The following CSMD2 variants were observed in gnomAD, a reference collection of about 807,000 sequenced individuals.
CSMD2 encodes the protein CUB and sushi domain-containing protein 2.
In CSMD2, 130 loss-of-function variants were observed where a neutral mutation model predicts 398.5. That is an observed-to-expected ratio of 0.33 (90% CI 0.28 to 0.38). The LOEUF is 0.38. Among genes scored for constraint, CSMD2 ranks in the 10% least tolerant of loss-of-function variants. CSMD2 has a pLI of 1.00. For synonymous variants in CSMD2, 1,828 were observed against 1,908.5 expected (o/e 0.96, Z 1.10); for missense variants, 3,829 against 4,764.9 (o/e 0.80, Z 5.78).
intron 3 of CSMD2, among the ~76,000 whole-genome samples, chr1:34,001,609 T>C (rs932330369): frequency 6.6e-5 from 10 of 152,214 alleles, no homozygotes; most frequent in Admixed American, 1.3e-4. Context: ...TGAACCTTTC[T>C]TGTAAGAAGT....
rs147242102 is a variant in CSMD2, at chr1:33,698,445, T to G, written c.3925+308A>C. Among the ~76,000 whole-genome samples the G allele has an allele frequency of 5.8e-3, 889 of 152,302 alleles. 7 individuals carry two copies. Among genetic ancestry groups the G allele is most frequent in the Admixed American group, 8.4e-3 (128 of 15,288 alleles). On this transcript the variant is annotated intron_variant, in intron 24 of 70. Transcript: ENST00000373381. ...CCATCTCTCCCTTTCTAATGGACTC[T>G]CCCACCTCATCGCTATCACCCGCGT...
Position 33,625,031 on chromosome 1 carries a change from C to G in CSMD2, c.5500+20G>C. On this transcript the variant is annotated intron_variant, in intron 34 of 70. Transcript: ENST00000373381. Reference sequence around the variant, plus strand: ...CGTGCCGCCCCCCGCACCCTCAACGCCCGGGTCCTGGTTACTCACCCACAC... The same window carrying G: ...CGTGCCGCCCCCCGCACCCTCAACGGCCGGGTCCTGGTTACTCACCCACAC... The G allele has an allele frequency of 6.2e-7, 1 of 1,613,284 alleles. No individual in the cohort carries two copies. The highest frequency in any genetic ancestry group is 8.5e-7 in the Non-Finnish European group (1 of 1,179,462).
Position 33,949,696 on chromosome 1 carries a change from G to A in CSMD2, c.518-13742C>T, listed in dbSNP as rs138164502. 9.5e-3 allele frequency among the ~76,000 whole-genome samples: 1,442 copies of A among 152,284 alleles called. 12 individuals are homozygous for A. The highest frequency in any genetic ancestry group is 0.015 in the Non-Finnish European group (988 of 68,016). On this transcript the variant is annotated intron_variant, in intron 3 of 70. Coordinates refer to ENST00000373381, the MANE Select transcript of CSMD2 (RefSeq NM_001281956.2). ...TTTCCTGGAAGAGGCATTTGGTATG[G>A]TCTTGACAGAGAAGGAAGGATGTTC...
chr1:34,124,376 A>G (rs1662524970), intron 1 of CSMD2, among the ~76,000 whole-genome samples: 1 of 152,190 alleles, frequency 6.6e-6, no homozygotes, highest in East Asian at 1.9e-4. Flanking sequence ...AGGGAAGGGC[A>G]TAGGAGTGCA....
chr1:34,130,855 G>A (rs192996027), intron 1 of CSMD2, among the ~76,000 whole-genome samples: 53 of 151,896 alleles, frequency 3.5e-4, no homozygotes, highest in Middle Eastern at 3.4e-3. Context: ...CCAGAAACCC[G>A]TCCCAGGTCC....
chr1:33,571,452 C>A (rs147867298), intron 51 of CSMD2, 80 bp downstream of exon 51: 400 of 1,155,660 alleles, frequency 3.5e-4, no homozygotes, highest in Non-Finnish European at 4.2e-4. Context: ...TTTTCCCCCA[C>A]CCCAGTTCAC....
chr1:33,906,578 G>T (rs1643104203), intron 5 of CSMD2, among the ~76,000 whole-genome samples: 1 of 152,156 alleles, frequency 6.6e-6, no homozygotes, highest in Non-Finnish European at 1.5e-5. Flanking sequence ...GATTAAATAG[G>T]GATATTCCCA....
In CSMD2 at chr1:33,624,937, TG is replaced by T; in HGVS notation, c.5500+113del. On this transcript the variant is annotated intron_variant, in intron 34 of 70. Coordinates refer to ENST00000373381, the MANE Select transcript of CSMD2 (RefSeq NM_001281956.2). The surrounding 1 kb of genome is among the most constrained non-coding windows in gnomAD (Gnocchi z 4.7). The stretch of plus-strand genomic sequence containing the variant: ...GGGACACCCCACCTCAGCCATGCGG[TG>T]GGAAGCGGCTGCTGTGTGTCGTGGG... 8.9e-7 allele frequency: 1 copy of T among 1,119,906 alleles called. No individual in the cohort carries two copies. The highest frequency in any genetic ancestry group is 1.3e-6 in the Non-Finnish European group (1 of 758,926). 69.4% of individuals were successfully genotyped at this position (1,119,906 alleles called of 1,614,324 possible).
intron 22 of CSMD2, among the ~76,000 whole-genome samples, chr1:33,707,331 C>T (rs867378697): frequency 6.6e-6 from 1 of 152,172 alleles, no homozygotes; most frequent in South Asian, 2.1e-4. Flanking sequence ...CTCTGCATTG[C>T]CCAGCTTGCG....
intron 11 of CSMD2, 97 bp downstream of exon 11, chr1:33,792,326 T>C: frequency 1.3e-6 from 1 of 797,458 alleles, no homozygotes; most frequent in Non-Finnish European, 2.3e-6. Context: ...GTCTTTGCTG[T>C]AGTATGGTCT....
rs185336413 is a variant in CSMD2, at chr1:33,869,923, A to C, written c.921-22927T>G. Among the ~76,000 whole-genome samples the C allele has an allele frequency of 1.0e-3, 157 of 152,320 alleles. 1 individual carries two copies. The highest frequency in any genetic ancestry group is 3.4e-3 in the Middle Eastern group (1 of 294). ...CATCTGCCAATTGATTCTGCACTTG[A>C]GAGGGGAATAAGTATATTTATTTAT... On this transcript the variant is annotated intron_variant, in intron 5 of 70. Transcript: ENST00000373381.
chr1:34,022,239 T>C (rs1648994523), intron 3 of CSMD2, among the ~76,000 whole-genome samples: 1 of 152,224 alleles, frequency 6.6e-6, no homozygotes, highest in Non-Finnish European at 1.5e-5. Context: ...GTTTATTCTA[T>C]GCCAGGCATT....
In CSMD2 at chr1:33,569,454, G is replaced by A. The variant is rs1294112550; in HGVS notation, c.8051C>T (p.Ser2684Phe). The change falls in exon 52 of 71, where the codon TCC becomes TTC. Residue 2684 changes from serine to phenylalanine, a missense_variant. Around this residue, in one of 5 missense-constraint regions of CSMD2, gnomAD observed 723 missense variants for 758.6 expected, o/e 0.95. Transcript: ENST00000373381. ...YGATAIFSCN[S>F]GYTLVGSRVR... Reference sequence around the variant, plus strand: ...CCTGGAGCCCACCAGTGTGTATCCGGAATTGCAGGAGAAGATGGCTGTTGC... The same window carrying A: ...CCTGGAGCCCACCAGTGTGTATCCGAAATTGCAGGAGAAGATGGCTGTTGC... 6.2e-7 allele frequency: 1 copy of A among 1,614,164 alleles called. No individual in the cohort carries two copies. The highest frequency in any genetic ancestry group is 1.1e-5 in the South Asian group (1 of 91,082).
chr1:33,995,804 T>C (rs995482699), intron 3 of CSMD2, among the ~76,000 whole-genome samples: 2 of 152,260 alleles, frequency 1.3e-5, no homozygotes, highest in Non-Finnish European at 1.5e-5. Context: ...CAAAGTCCAG[T>C]TGTGTTCATA....
At chr1:33,874,785 T>C (rs138162857) in intron 5 of CSMD2, among the ~76,000 whole-genome samples, 1 of 152,370 alleles carries the variant, frequency 6.6e-6, no homozygotes, top group African/African-American at 2.4e-5. Context: ...TCTGTCATTA[T>C]AAACCACGTA....
rs573030763 is a variant in CSMD2 at position 33,961,857 on chromosome 1, T to C, written c.518-25903A>G. ...AAGCAGATGCTGGCACTATGCTTCA[T>C]GTACAGCCTGCAGAACCATGAATCA... On this transcript the variant is annotated intron_variant, in intron 3 of 70. Coordinates refer to ENST00000373381, the MANE Select transcript of CSMD2 (RefSeq NM_001281956.2). 2.0e-5 allele frequency among the ~76,000 whole-genome samples: 3 copies of C among 152,320 alleles called. No homozygotes were observed. In the South Asian group the frequency reaches 6.2e-4, roughly 32 times the overall value.
At chr1:34,116,122 A>G (rs1333034252) in intron 1 of CSMD2, among the ~76,000 whole-genome samples, 3 of 152,102 alleles carry the variant, frequency 2.0e-5, no homozygotes, top group Non-Finnish European at 4.4e-5. Context: ...TTTCGATGTA[A>G]ATGGATTAAA....
At chr1:34,102,328 C>A (rs1330431103) in intron 1 of CSMD2, among the ~76,000 whole-genome samples, 2 of 152,152 alleles carry the variant, frequency 1.3e-5, no homozygotes, top group African/African-American at 2.4e-5. Flanking sequence ...CCGCACCTGG[C>A]CAAAATGTTC....
At chr1:33,814,695 T>C (rs1030098150) in intron 9 of CSMD2, among the ~76,000 whole-genome samples, 2 of 152,186 alleles carry the variant, frequency 1.3e-5, no homozygotes, top group Non-Finnish European at 2.9e-5. Flanking sequence ...CTCCAACTCA[T>C]GATCAACCAT....
Sources: gnomAD v4.1 joint callset for allele counts (sites outside exome capture counted in the v4.1 genomes callset) on GRCh38, gnomAD v4.1.1 for gene constraint, gnomAD v4.1.1 regional missense constraint, Gnocchi (gnomAD v3.1) non-coding constraint, MANE v1.5 for transcripts, NCBI Gene and HGNC (gene_info 2026-07-23, HGNC 2026-07-21) for gene names.